Variants in TBC1D16 observed in about 807,000 individuals in gnomAD.
TBC1D16 encodes the protein TBC1 domain family member 16.
In TBC1D16, 58 loss-of-function variants were observed where a neutral mutation model predicts 74.7. The ratio of observed to expected loss-of-function variants is 0.78; its 90% CI spans 0.63 to 0.97. The LOEUF (loss-of-function observed/expected upper bound fraction) is 0.97, where lower values mean the gene tolerates loss of function less well. TBC1D16 is among the 50% of genes least tolerant of loss of function. The pLI, the probability that TBC1D16 is intolerant of heterozygous loss-of-function variation, is 0.00. For missense variants in TBC1D16, 1,014 were observed against 1,079.5 expected, an observed-to-expected ratio of 0.94 and a Z score of 0.85; for synonymous variants, 493 against 474.7, an observed-to-expected ratio of 1.04 and a Z score of -0.50.
chr17:80,024,511 A>AC (rs2036446657), intron 1 of TBC1D16, among the ~76,000 whole-genome samples: 6 of 149,234 alleles, frequency 4.0e-5, no homozygotes, highest in Non-Finnish European at 7.4e-5. Flanking sequence ...CACCATAGAC[A>AC]AACCACGCAC....
At position 79,933,365 on chromosome 17, in the gene TBC1D16, A is replaced by C. The variant is rs1266307528; in HGVS notation, c.*7494T>G. ...ATGCCCAGGTACCTGAGTCCCAGCC[A>C]AAGCGGCAAAGCCAGACCTCCCGGG... On this transcript the variant is annotated 3_prime_UTR_variant, in exon 12 of 12. Coordinates refer to ENST00000310924, the MANE Select transcript of TBC1D16 (RefSeq NM_019020.4). 6.6e-6 allele frequency: 1 copy of C among 152,202 alleles called. No individual in the cohort carries two copies. Among genetic ancestry groups the C allele is most frequent in the African/African-American group, 2.4e-5 (1 of 41,424 alleles). The allele number at this position is 152,202 out of a possible 1,614,324, so 9.4% of individuals were successfully genotyped here.
At chr17:79,957,648 A>G (rs1006502184) in intron 3 of TBC1D16, among the ~76,000 whole-genome samples, 8 of 152,070 alleles carry the variant, frequency 5.3e-5, no homozygotes, top group African/African-American at 1.9e-4. Context: ...ATTTGTCCAG[A>G]CCCATAGGAT....
chr17:79,951,897 G>A (rs575871317), intron 4 of TBC1D16: 52 of 286,218 alleles, frequency 1.8e-4, no homozygotes, highest in Non-Finnish European at 2.9e-4. Context: ...CCTGCAGTCC[G>A]GGAGACCTGG....
At chr17:80,024,992 T>TGAC (rs2036502013) in intron 1 of TBC1D16, among the ~76,000 whole-genome samples, 2 of 32,694 alleles carry the variant, frequency 6.1e-5, no homozygotes, top group African/African-American at 1.4e-4. Context: ...CACCACACTC[T>TGAC]ACACACACAC....
At chr17:80,025,090 C>CACAA (rs555996189) in intron 1 of TBC1D16, among the ~76,000 whole-genome samples, 1,284 of 9,784 alleles carry the variant, frequency 0.13, 24 homozygotes, top group Non-Finnish European at 0.2. Flanking sequence ...TACCATGACA[C>CACAA]ACACACACCA....
chr17:79,975,109 A>G lies in TBC1D16; in HGVS notation c.780-22291T>C, dbSNP rs1003548518. On this transcript the variant is annotated intron_variant, in intron 3 of 11. Transcript: ENST00000310924. The surrounding 1 kb of genome is among the most constrained non-coding windows in gnomAD (Gnocchi z 4.5). ...GCGCAACGTTACTTGCAAGGCCACA[A>G]ACACCCGGAACAATCCGCCAGGCCG... is the stretch of plus-strand genomic sequence containing the variant. 6.6e-6 allele frequency among the ~76,000 whole-genome samples: 1 copy of G among 152,214 alleles called. No individual in the cohort carries two copies. Among genetic ancestry groups the G allele is most frequent in the Non-Finnish European group, 1.5e-5 (1 of 68,032 alleles).
rs1283142342 is a variant in TBC1D16 at position 79,994,595 on chromosome 17, TG to T, written c.779+15564del. On this transcript the variant is annotated intron_variant, in intron 3 of 11. Coordinates refer to ENST00000310924, the MANE Select transcript of TBC1D16 (RefSeq NM_019020.4). The surrounding 1 kb of genome is among the most constrained non-coding windows in gnomAD (Gnocchi z 4.6). ...TCTGCCACCACGCCCGGCTAATTTTTGTATTTTTAATAGAGACAGGGTTTCA... is the reference window on the plus strand; with the variant it reads ...TCTGCCACCACGCCCGGCTAATTTTTTATTTTTAATAGAGACAGGGTTTCA... Among the ~76,000 whole-genome samples the T allele has an allele frequency of 1.3e-5, 2 of 152,154 alleles. No homozygotes were observed. The highest frequency in any genetic ancestry group is 2.9e-5 in the Non-Finnish European group (2 of 68,030).
chr17:80,003,762 T>G (rs2035578358), intron 3 of TBC1D16, among the ~76,000 whole-genome samples: 2 of 152,208 alleles, frequency 1.3e-5, no homozygotes, highest in South Asian at 4.1e-4. Context: ...ACATTTATAT[T>G]CATCAGGGCC....
chr17:79,945,279 C>T (rs2032426499), intron 9 of TBC1D16, among the ~76,000 whole-genome samples, 192 bp from the exon 10 acceptor site: 1 of 152,248 alleles, frequency 6.6e-6, no homozygotes, highest in African/African-American at 2.4e-5. Context: ...ACACCTGCCT[C>T]TGCCAGTTCC....
chr17:80,011,587 G>A (rs2035894508), intron 2 of TBC1D16, among the ~76,000 whole-genome samples: 1 of 152,198 alleles, frequency 6.6e-6, no homozygotes, highest in Non-Finnish European at 1.5e-5. Context: ...AGCACTTTGG[G>A]AGGCCAAGGC....
rs771193110 is a variant in TBC1D16, at chr17:79,950,541, A to G, written c.1127T>C (p.Ile376Thr). Residue 376 changes from isoleucine (I) to threonine (T), a missense_variant, in exon 6 of 12, where the codon ATC becomes ACC. Ile to Thr is a moderately conservative substitution (Grantham distance 89). Transcript: ENST00000310924. This position sits in a 1 kb window ranked among gnomAD's most constrained non-coding sequence, Gnocchi z 4.6. ...GGAGGACGGCAGCTTGGGGCGGCGG[A>G]TGGAGAACTGCATGCATGTCTTATC... ...APDKTCMQFS[I>T]RRPKLPSSET... 6.2e-7 allele frequency: 1 copy of G among 1,613,160 alleles called. No homozygotes were observed. Among genetic ancestry groups the G allele is most frequent in the South Asian group, 1.1e-5 (1 of 90,678 alleles).
In TBC1D16 at chr17:79,939,934, C is replaced by T. The variant is rs2031845006; in HGVS notation, c.*925G>A. ...ACCACGTCCCTGGGACAAAGCAGAT[C>T]ATTGTCAGAGGATCTTGCAAACACA... is the stretch of plus-strand genomic sequence containing the variant. On this transcript the variant is annotated 3_prime_UTR_variant, in exon 12 of 12. Coordinates refer to ENST00000310924, the MANE Select transcript of TBC1D16 (RefSeq NM_019020.4). 6.6e-6 allele frequency: 1 copy of T among 152,248 alleles called. No individual in the cohort carries two copies. Among genetic ancestry groups the T allele is most frequent in the African/African-American group, 2.4e-5 (1 of 41,462 alleles). The allele number at this position is 152,248 out of a possible 1,614,324, so 9.4% of individuals were successfully genotyped here. A position where few individuals can be genotyped will look rare whatever the true frequency, so the allele number is the denominator to read the frequency against.
intron 1 of TBC1D16, among the ~76,000 whole-genome samples, chr17:80,030,621 C>T (rs368439078): frequency 1.3e-3 from 200 of 152,336 alleles, no homozygotes; most frequent in Middle Eastern, 0.01. Context: ...CACTCTGTGC[C>T]GTGCACCGGC....
At chr17:80,019,034 G>A (rs1227664961) in intron 1 of TBC1D16, among the ~76,000 whole-genome samples, 4 of 150,244 alleles carry the variant, frequency 2.7e-5, no homozygotes, top group Non-Finnish European at 5.9e-5. Context: ...CAGCGGGGCT[G>A]GAGCCCACCT....
At position 80,010,487 on chromosome 17, in the gene TBC1D16, C is replaced by A. The variant is rs151272383; in HGVS notation, c.452G>T (p.Arg151Leu). The A allele has an allele frequency of 6.2e-7, 1 of 1,610,206 alleles. No homozygotes were observed. The highest frequency in any genetic ancestry group is 8.5e-7 in the Non-Finnish European group (1 of 1,178,462). Residue 151 changes from arginine to leucine, a missense_variant, in exon 3 of 12, where the codon CGC (arginine) becomes CTC (leucine). By Grantham distance (102) the Arg-to-Leu change is moderately radical. Transcript: ENST00000310924. The surrounding 1 kb of genome is among the most constrained non-coding windows in gnomAD (Gnocchi z 8.8). ...ILVVAQSVPD[R>L]MLASPAPEDE... Reference sequence around the variant, plus strand: ...CTCTGGCGCAGGGCTGGCGAGCATGCGGTCTGGAACACTCTGGGCCACCAC... The same window carrying A: ...CTCTGGCGCAGGGCTGGCGAGCATGAGGTCTGGAACACTCTGGGCCACCAC...
chr17:79,998,500 GTATTAT>G (rs1333124193), intron 3 of TBC1D16, among the ~76,000 whole-genome samples: 3 of 148,194 alleles, frequency 2.0e-5, no homozygotes, highest in African/African-American at 5.0e-5. Flanking sequence ...GCTAATTTTT[GTATTAT>G]TATTATAATT....
At chr17:79,952,889 C>G in intron 3 of TBC1D16, 71 bp from the exon 4 acceptor site, 1 of 1,522,958 alleles carries the variant, frequency 6.6e-7, no homozygotes. Context: ...GGACGGGGGT[C>G]ATGGGGGAGT....
chr17:79,995,275 G>A (rs572228605), intron 3 of TBC1D16, among the ~76,000 whole-genome samples: 65 of 151,966 alleles, frequency 4.3e-4, no homozygotes, highest in Admixed American at 1.5e-3. Context: ...ACTCCAGTTT[G>A]GGTGACAAAC....
At position 79,947,694 on chromosome 17, in the gene TBC1D16, T is replaced by C; in HGVS notation, c.1679A>G (p.Asn560Ser). The change falls in exon 9 of 12, where the codon AAC becomes AGC. Residue 560 changes from asparagine (N) to serine (S), a missense_variant. By Grantham distance (46) the Asn-to-Ser change is conservative (BLOSUM62 1). Coordinates refer to ENST00000310924, the MANE Select transcript of TBC1D16 (RefSeq NM_019020.4). ...CCGGGGTGAGCTGACGAAGATCGTG[T>C]TCTGCATCAAACCCACAAAGCACCA... The part of the protein sequence containing the change: ...TFWCFVGLMQ[N>S]TIFVSSPRDE... The C allele has an allele frequency of 6.2e-7, 1 of 1,614,116 alleles. No homozygotes were observed.
Sources: gnomAD v4.1 joint callset for allele counts (sites outside exome capture counted in the v4.1 genomes callset) on GRCh38, gnomAD v4.1.1 for gene constraint, Gnocchi (gnomAD v3.1) non-coding constraint, MANE v1.5 for transcripts, NCBI Gene and HGNC (gene_info 2026-07-23, HGNC 2026-07-21) for gene names.